The following PSTPIP2 variants were observed in gnomAD, a reference collection of about 807,000 sequenced individuals.
The protein encoded by PSTPIP2 is proline-serine-threonine phosphatase interacting protein 2.
Under a neutral mutation model 63.3 loss-of-function variants are expected in PSTPIP2, and 33 were observed. The observed-to-expected ratio is 0.52, with a 90% CI of 0.40 to 0.70. The LOEUF is 0.70. Ranked by LOEUF, PSTPIP2 falls within the 30% of genes least tolerant of loss-of-function variation. The pLI is 0.00. For missense variants in PSTPIP2, 312 were observed against 400.7 expected (o/e 0.78, Z 1.89); for synonymous variants, 125 against 132.7 (o/e 0.94, Z 0.40).
intron 2 of PSTPIP2, among the ~76,000 whole-genome samples, chr18:46,039,703 C>A (rs1365014146): frequency 6.6e-6 from 1 of 152,078 alleles, no homozygotes; most frequent in Non-Finnish European, 1.5e-5. Flanking sequence ...TACCACAGTA[C>A]TAAGTGTATT....
Position 45,993,685 on chromosome 18 carries a change from A to G in PSTPIP2, c.661T>C (p.Cys221Arg). Residue 221 changes from cysteine to arginine, a missense_variant, in exon 10 of 15, where the codon TGT becomes CGT. Physicochemically the swap from Cys to Arg is radical, Grantham distance 180. Transcript: ENST00000409746. The part of the protein sequence containing the change: ...KACEAFEAQE[C>R]ERINFFRNAL... ...TTCCGGAAGAAGTTTATTCGTTCAC[A>G]TTCTTGAGCCTCAAATGCCTACAGA... 1 of 1,614,136 alleles carries G rather than the reference A, an allele frequency of 6.2e-7. No individual in the cohort carries two copies. Among genetic ancestry groups the G allele is most frequent in the Non-Finnish European group, 8.5e-7 (1 of 1,179,994 alleles).
chr18:46,008,079 G>A (rs2051750010), intron 5 of PSTPIP2, among the ~76,000 whole-genome samples: 1 of 152,134 alleles, frequency 6.6e-6, no homozygotes, highest in African/African-American at 2.4e-5. Context: ...TCTCTTCTGA[G>A]ACTCAGACTT....
chr18:45,992,193 G>C lies in PSTPIP2; in HGVS notation c.751C>G (p.Gln251Glu), dbSNP rs764778090. ...CACATTTCTAAACTCTTTCGGACTT[G>C]TTCGTACATCTAATAAAAAAAGGTC... Reference protein sequence around the residue: ...QCVTSDEMYEQVRKSLEMCSI... With the variant: ...QCVTSDEMYEEVRKSLEMCSI... Residue 251 changes from glutamine (Q) to glutamate (E), a missense_variant, in exon 11 of 15, where the codon CAA becomes GAA. Gln to Glu is a conservative substitution (Grantham distance 29, BLOSUM62 2). Coordinates refer to ENST00000409746, the MANE Select transcript of PSTPIP2 (RefSeq NM_024430.4). The C allele has an allele frequency of 6.3e-7, 1 of 1,586,174 alleles. No homozygotes were observed. The highest frequency in any genetic ancestry group is 8.6e-7 in the Non-Finnish European group (1 of 1,168,080).
Position 46,024,697 on chromosome 18 carries a change from A to G in PSTPIP2, c.135-11T>C. ...TCTTCAATTGCTGCCCTAGGGGAAC[A>G]GAAGAGAGGGTTATGGGTCCTTCTC... On this transcript the variant is annotated splice_polypyrimidine_tract_variant and intron_variant, in intron 2 of 14. Coordinates refer to ENST00000409746, the MANE Select transcript of PSTPIP2 (RefSeq NM_024430.4). 6.2e-7 allele frequency: 1 copy of G among 1,609,426 alleles called. No individual in the cohort carries two copies. The highest frequency in any genetic ancestry group is 8.5e-7 in the Non-Finnish European group (1 of 1,175,764).
At chr18:46,014,851 T>C (rs762712795) in intron 4 of PSTPIP2, among the ~76,000 whole-genome samples, 66 of 152,220 alleles carry the variant, frequency 4.3e-4, no homozygotes, top group Non-Finnish European at 1.0e-4. Context: ...AGGATGTAAA[T>C]TCTGGTCCTT....
At chr18:46,043,865 GA>G (rs1308275511) in intron 1 of PSTPIP2, among the ~76,000 whole-genome samples, 1 of 151,578 alleles carries the variant, frequency 6.6e-6, no homozygotes, top group Non-Finnish European at 1.5e-5. Context: ...AAAAAGGAAA[GA>G]AAAAAATGTA....
chr18:46,034,016 C>T (rs935250886), intron 2 of PSTPIP2, among the ~76,000 whole-genome samples: 1 of 152,172 alleles, frequency 6.6e-6, no homozygotes, highest in Non-Finnish European at 1.5e-5. Context: ...GGCTTGACAA[C>T]TTGACCAGCT....
chr18:46,039,621 C>T (rs1168521998), intron 2 of PSTPIP2, among the ~76,000 whole-genome samples: 1 of 152,128 alleles, frequency 6.6e-6, no homozygotes, highest in Non-Finnish European at 1.5e-5. Flanking sequence ...TCCTTTCCTT[C>T]TTTGCCAATC....
chr18:46,065,848 C>G (rs963085585), intron 1 of PSTPIP2, among the ~76,000 whole-genome samples: 1 of 151,782 alleles, frequency 6.6e-6, no homozygotes, highest in Non-Finnish European at 1.5e-5. Flanking sequence ...GTGATCCACC[C>G]GCCTTGGCCT....
chr18:46,046,154 A>C (rs894530048), intron 1 of PSTPIP2, among the ~76,000 whole-genome samples: 2 of 152,210 alleles, frequency 1.3e-5, no homozygotes, highest in African/African-American at 4.8e-5. Flanking sequence ...TAACTGCATA[A>C]ACTTGGTGGG....
intron 13 of PSTPIP2, 91 bp downstream of exon 13, chr18:45,990,631 T>G: frequency 3.5e-6 from 4 of 1,137,572 alleles, no homozygotes; most frequent in Non-Finnish European, 5.2e-6. Flanking sequence ...GGTTTCACCA[T>G]GTTGACCAGG....
chr18:46,049,740 C>T lies in PSTPIP2; in HGVS notation c.34-9693G>A, dbSNP rs1466311862. Among the ~76,000 whole-genome samples, 7 of 152,112 alleles carry T rather than the reference C, an allele frequency of 4.6e-5. No individual in the cohort carries two copies. The South Asian group carries it at 1.2e-3, about 27-fold the overall frequency. On this transcript the variant is annotated intron_variant, in intron 1 of 14. Transcript: ENST00000409746. ...GCTAAAAATACAAAAATTAGCTGGG[C>T]GTGGTGGCACGTGCCTGTAATCCCA...
Position 46,028,471 on chromosome 18 carries a change from G to T in PSTPIP2, c.135-3785C>A. ...GGAGAAGACAAACCGGCCGTGGAGTGGTGCCTGGAGGAGCTGGTCTTCGGC... is the reference window on the plus strand; with the variant it reads ...GGAGAAGACAAACCGGCCGTGGAGTTGTGCCTGGAGGAGCTGGTCTTCGGC... On this transcript the variant is annotated intron_variant, in intron 2 of 14. Coordinates refer to ENST00000409746, the MANE Select transcript of PSTPIP2 (RefSeq NM_024430.4). 8 of 609,802 alleles carry T rather than the reference G, an allele frequency of 1.3e-5. 1 individual carries two copies. The highest frequency in any genetic ancestry group is 1.1e-4 in the South Asian group (8 of 71,322). 37.8% of individuals were successfully genotyped at this position (609,802 alleles called of 1,614,324 possible). A position where few individuals can be genotyped will look rare whatever the true frequency, so the allele number is the denominator to read the frequency against.
intron 2 of PSTPIP2, among the ~76,000 whole-genome samples, chr18:46,031,971 A>C (rs1370228279): frequency 6.6e-6 from 1 of 152,216 alleles, no homozygotes; most frequent in Non-Finnish European, 1.5e-5. Context: ...ACAACCACTG[A>C]GGTTGAGAGG....
intron 1 of PSTPIP2, among the ~76,000 whole-genome samples, chr18:46,053,908 C>T (rs137992689): frequency 2.0e-5 from 3 of 152,312 alleles, no homozygotes; most frequent in Non-Finnish European, 2.9e-5. Context: ...TCATATGTCA[C>T]TCAACAATGG....
rs778578205 is a variant in PSTPIP2 at position 46,040,057 on chromosome 18, A to G, written c.34-10T>C. The G allele has an allele frequency of 6.3e-7, 1 of 1,584,236 alleles. No individual in the cohort carries two copies. The highest frequency in any genetic ancestry group is 8.6e-7 in the Non-Finnish European group (1 of 1,161,340). ...TGAGGATGTCTGCACTCTGGGGGAA[A>G]GACAACATGGCATCAGACCAGGAAC... On this transcript the variant is annotated splice_polypyrimidine_tract_variant and intron_variant, in intron 1 of 14. Transcript: ENST00000409746.
At chr18:46,057,681 CA>C (rs1025212080) in intron 1 of PSTPIP2, among the ~76,000 whole-genome samples, 1 of 151,984 alleles carries the variant, frequency 6.6e-6, no homozygotes, top group Non-Finnish European at 1.5e-5. Context: ...ATGATGAACA[CA>C]TTAGCAAAAA....
At chr18:46,033,134 C>T (rs1907841286) in intron 2 of PSTPIP2, among the ~76,000 whole-genome samples, 1 of 152,194 alleles carries the variant, frequency 6.6e-6, no homozygotes, top group Non-Finnish European at 1.5e-5. Context: ...TGAATAATAT[C>T]AGCACTGGCC....
intron 1 of PSTPIP2, among the ~76,000 whole-genome samples, chr18:46,066,553 A>G (rs1454219603): frequency 6.6e-6 from 1 of 152,208 alleles, no homozygotes; most frequent in Non-Finnish European, 1.5e-5. Flanking sequence ...CCTCTCTTCA[A>G]CAAGTTGCTG....
Sources: allele counts gnomAD v4.1 joint callset (sites outside exome capture counted in the v4.1 genomes callset), GRCh38; gene constraint gnomAD v4.1.1; transcripts MANE v1.5; gene names NCBI Gene and HGNC (gene_info 2026-07-23, HGNC 2026-07-21).